Variants in RYR3 observed in about 807,000 individuals in gnomAD.
The protein encoded by RYR3 is brain ryanodine receptor-calcium release channel.
A neutral mutation model predicts 584.3 loss-of-function variants in RYR3; 207 were observed. The ratio of observed to expected loss-of-function variants is 0.35; its 90% CI spans 0.32 to 0.40. The LOEUF is 0.40. RYR3 is among the 10% of genes least tolerant of loss of function. The pLI, the probability that RYR3 is intolerant of heterozygous loss-of-function variation, is 1.00. For synonymous variants in RYR3, 2,416 were observed against 2,248.5 expected (o/e 1.07, Z -2.11); for missense variants, 5,616 against 6,089.2 (o/e 0.92, Z 2.59).
At chr15:33,654,510 T>TAAA (rs11327967) in intron 32 of RYR3, among the ~76,000 whole-genome samples, 2 of 148,540 alleles carry the variant, frequency 1.3e-5, no homozygotes, top group Non-Finnish European at 3.0e-5. Context: ...GACCCTGTCT[T>TAAA]AAAAAAAAAA....
intron 98 of RYR3, among the ~76,000 whole-genome samples, chr15:33,855,217 T>G (rs1214035591): frequency 3.3e-5 from 5 of 151,390 alleles, no homozygotes; most frequent in African/African-American, 9.7e-5. Context: ...TTTTTTTTTG[T>G]GACGGTGTCT....
Position 33,865,533 on chromosome 15 carries a change from T to TGAAGG in RYR3, c.*308_*312dup, listed in dbSNP as rs1378580882. 1 of 310,620 alleles carries TGAAGG rather than the reference T, an allele frequency of 3.2e-6. No individual in the cohort carries two copies. The highest frequency in any genetic ancestry group is 6.0e-6 in the Non-Finnish European group (1 of 167,494). The allele number at this position is 310,620 out of a possible 1,614,324, so 19.2% of individuals were successfully genotyped here. A position where few individuals can be genotyped will look rare whatever the true frequency, so the allele number is the denominator to read the frequency against. ...AGTTCAGTTTGTTGGGATGGAAGCATGAAGGAAAGGGCTAGAGAAGTATGA... is the reference window on the plus strand; with the variant it reads ...AGTTCAGTTTGTTGGGATGGAAGCATGAAGGGAAGGAAAGGGCTAGAGAAGTATGA... On this transcript the variant is annotated 3_prime_UTR_variant, in exon 104 of 104. Coordinates refer to ENST00000634891, the MANE Select transcript of RYR3 (RefSeq NM_001036.6).
chr15:33,640,739 T>A (rs2061760646), intron 27 of RYR3, among the ~76,000 whole-genome samples: 1 of 152,228 alleles, frequency 6.6e-6, no homozygotes. Flanking sequence ...ATTTCCTTCC[T>A]GGGACAAGAA....
chr15:33,513,310 A>T (rs924970732), intron 3 of RYR3, among the ~76,000 whole-genome samples: 4 of 152,216 alleles, frequency 2.6e-5, no homozygotes, highest in Non-Finnish European at 5.9e-5. Flanking sequence ...ATTCTGGTAA[A>T]GAAAAGTTAA....
chr15:33,524,239 T>G lies in RYR3; in HGVS notation c.280-6353T>G, dbSNP rs557744135. Among the ~76,000 whole-genome samples the G allele has an allele frequency of 8.5e-5, 13 of 152,378 alleles. 1 individual carries two copies. The South Asian group carries it at 2.1e-3, about 24-fold the overall frequency. Reference sequence around the variant, plus strand: ...AGCCAGCCAAATGGCTATTTCATTTTCATAGGTTTCCTTATTCTTGCCTAT... The same window carrying G: ...AGCCAGCCAAATGGCTATTTCATTTGCATAGGTTTCCTTATTCTTGCCTAT... On this transcript the variant is annotated intron_variant, in intron 3 of 103. Coordinates refer to ENST00000634891, the MANE Select transcript of RYR3 (RefSeq NM_001036.6).
At chr15:33,752,290 A>G (rs542746984) in intron 57 of RYR3, among the ~76,000 whole-genome samples, 4 of 152,282 alleles carry the variant, frequency 2.6e-5, no homozygotes, top group African/African-American at 9.6e-5. Context: ...GCTTGATGGG[A>G]ATAGCATTGA....
chr15:33,592,045 C>G (rs1158524238), intron 16 of RYR3, among the ~76,000 whole-genome samples: 2 of 152,148 alleles, frequency 1.3e-5, no homozygotes, highest in Non-Finnish European at 2.9e-5. Flanking sequence ...AAATGAGAGG[C>G]TCTCTAATGA....
chr15:33,644,563 C>T (rs1259716241), intron 28 of RYR3, 44 bp downstream of exon 28: 1 of 1,488,106 alleles, frequency 6.7e-7, no homozygotes, highest in Non-Finnish European at 9.3e-7. Context: ...TCAGGTGGGC[C>T]AAGGCCCTAA....
intron 2 of RYR3, among the ~76,000 whole-genome samples, chr15:33,476,864 T>C (rs2049430969): frequency 6.6e-6 from 1 of 152,184 alleles, no homozygotes. Flanking sequence ...GAGCAGATAT[T>C]CAGAATTTCT....
chr15:33,415,532 G>A (rs1029124673), intron 1 of RYR3, among the ~76,000 whole-genome samples: 12 of 152,116 alleles, frequency 7.9e-5, no homozygotes, highest in South Asian at 2.1e-4. Context: ...AGTACAGTAT[G>A]TAAGGGCTGT....
Position 33,531,436 on chromosome 15 carries a change from G to T in RYR3, c.354+770G>T, listed in dbSNP as rs115286482. ...ATCAACTATATGCCACTCCAATAGT[G>T]TATCATCCTCACTTTCTTTCGGTGT... is the stretch of plus-strand genomic sequence containing the variant. On this transcript the variant is annotated intron_variant, in intron 4 of 103. Transcript: ENST00000634891. Among the ~76,000 whole-genome samples, 749 of 152,048 alleles carry T rather than the reference G, an allele frequency of 4.9e-3. 10 individuals are homozygous for T. Among genetic ancestry groups the T allele is most frequent in the African/African-American group, 0.017 (710 of 41,516 alleles).
chr15:33,653,856 T>TCCA (rs1367200381), intron 32 of RYR3, among the ~76,000 whole-genome samples: 1 of 152,098 alleles, frequency 6.6e-6, no homozygotes, highest in Non-Finnish European at 1.5e-5. Context: ...ACATATCACA[T>TCCA]CCACCTCTTG....
At chr15:33,846,693 T>C (rs945004192) in intron 93 of RYR3, among the ~76,000 whole-genome samples, 5 of 152,230 alleles carry the variant, frequency 3.3e-5, no homozygotes, top group African/African-American at 1.2e-4. Context: ...AAGGACTCTA[T>C]TGCAACTATG....
chr15:33,755,528 A>G (rs899666464), intron 58 of RYR3, among the ~76,000 whole-genome samples: 2 of 152,086 alleles, frequency 1.3e-5, no homozygotes, highest in African/African-American at 4.8e-5. Flanking sequence ...AGGCTGAGGC[A>G]GGAGAATCAC....
At chr15:33,564,520 C>A (rs1002979879) in intron 11 of RYR3, among the ~76,000 whole-genome samples, 1 of 152,170 alleles carries the variant, frequency 6.6e-6, no homozygotes, top group Non-Finnish European at 1.5e-5. Flanking sequence ...TGCCACAAAC[C>A]CATCCTCTAT....
intron 69 of RYR3, among the ~76,000 whole-genome samples, chr15:33,802,344 T>A (rs1019350932): frequency 2.0e-5 from 3 of 152,218 alleles, no homozygotes; most frequent in African/African-American, 7.2e-5. Context: ...TACCTTGCTT[T>A]GTAGATTTTG....
At chr15:33,649,290 C>A (rs966834637) in intron 31 of RYR3, 55 bp downstream of exon 31, 5 of 1,539,468 alleles carry the variant, frequency 3.2e-6, no homozygotes, top group East Asian at 4.5e-5. Flanking sequence ...GTCCCTCCCC[C>A]CAGTCTTTTT....
chr15:33,423,802 T>C (rs1414901873), intron 1 of RYR3, among the ~76,000 whole-genome samples: 2 of 152,210 alleles, frequency 1.3e-5, no homozygotes, highest in East Asian at 3.8e-4. Flanking sequence ...TGAGGTTTCT[T>C]AAGTGTTCCT....
Position 33,860,664 on chromosome 15 carries a change from T to C in RYR3, c.14364+5T>C. ...CAAGTACGAGAAGATATGGAGGTAA[T>C]GTTACTCTAACTACTAATCCCAGCT... On this transcript the variant is annotated splice_donor_5th_base_variant and intron_variant, in intron 101 of 103. Coordinates refer to ENST00000634891, the MANE Select transcript of RYR3 (RefSeq NM_001036.6). 2.5e-6 allele frequency: 4 copies of C among 1,575,118 alleles called. No homozygotes were observed. The highest frequency in any genetic ancestry group is 3.5e-6 in the Non-Finnish European group (4 of 1,155,008).
Sources: allele counts gnomAD v4.1 joint callset (sites outside exome capture counted in the v4.1 genomes callset), GRCh38; gene constraint gnomAD v4.1.1; transcripts MANE v1.5; gene names NCBI Gene and HGNC (gene_info 2026-07-23, HGNC 2026-07-21).